The following NT5DC2 variants were observed in gnomAD, a reference collection of about 807,000 sequenced individuals.
NT5DC2 encodes 5'-nucleotidase domain-containing protein 2.
In NT5DC2, 41 loss-of-function variants were observed where a neutral mutation model predicts 70.0. The observed-to-expected ratio is 0.59, with a 90% CI of 0.46 to 0.76. The LOEUF (loss-of-function observed/expected upper bound fraction) is 0.76, where lower values mean the gene tolerates loss of function less well. Among genes scored for constraint, NT5DC2 ranks in the 30% least tolerant of loss-of-function variants. The pLI is 0.00. For synonymous variants in NT5DC2, 299 were observed against 310.4 expected, an observed-to-expected ratio of 0.96 and a Z score of 0.39; for missense variants, 705 against 783.2, an observed-to-expected ratio of 0.90 and a Z score of 1.19.
chr3:52,527,334 T>C lies in NT5DC2; in HGVS notation c.1079A>G (p.Asp360Gly), dbSNP rs1467541150. ...KLDEKGSLQW[D>G]RITRLEKGKI... ...GCCCTTTTCCAAGCGGGTGATCCGG[T>C]CCCACTGAAGTGAGCCCTTCTCATC... The change falls in exon 10 of 14, where the codon GAC (aspartate) becomes GGC (glycine). Residue 360 changes from aspartate to glycine, a missense_variant. Coordinates refer to ENST00000422318, the MANE Select transcript of NT5DC2 (RefSeq NM_001134231.2). 1.2e-6 allele frequency: 2 copies of C among 1,614,142 alleles called. No individual in the cohort carries two copies. Among genetic ancestry groups the C allele is most frequent in the East Asian group, 2.2e-5 (1 of 44,886 alleles).
At chr3:52,528,138 G>C in intron 6 of NT5DC2, 45 bp downstream of exon 6, 1 of 1,612,964 alleles carries the variant, frequency 6.2e-7, no homozygotes, top group East Asian at 2.2e-5. Context: ...ACTGTGGCTG[G>C]ACTTAGTCTT....
chr3:52,524,560 C>G lies in NT5DC2; in HGVS notation c.1584G>C (p.Pro528=), dbSNP rs374723543. The G allele has an allele frequency of 3.1e-6, 5 of 1,612,954 alleles. No homozygotes were observed. In the African/African-American group the frequency reaches 4.0e-5, roughly 13 times the overall value. Residue 528 remains proline (P), a synonymous_variant, in exon 14 of 14, where the codon CCG becomes CCC. Transcript: ENST00000422318. ...TCCAGAGGGGTGCCTCGTGCTGCAG[C>G]GGCGTACGGCGTGGGTAGAAGGTGA... is the stretch of plus-strand genomic sequence containing the variant. The part of the protein sequence containing the change: ...VDFTFYPRRT[P]LQHEAPLWMD...
intron 1 of NT5DC2, chr3:52,532,492 C>G: frequency 2.0e-6 from 2 of 985,416 alleles, no homozygotes; most frequent in South Asian, 4.7e-5. Context: ...AAGTGATTCT[C>G]CGCCACCCCA....
intron 1 of NT5DC2, chr3:52,532,474 T>C: frequency 6.1e-6 from 6 of 985,394 alleles, no homozygotes; most frequent in Non-Finnish European, 7.2e-6. Flanking sequence ...CTGCCTTTAC[T>C]GGTCAAGAAG....
rs1479675272 is a variant in NT5DC2 at position 52,533,834 on chromosome 3, T to A, written c.-97A>T. On this transcript the variant is annotated 5_prime_UTR_variant, in exon 1 of 14. Transcript: ENST00000422318. ...CTGCGCGCCCGCCACGGTGGCCTCG[T>A]GCTCCTCACGGCGGCCGGCCAATGG... is the stretch of plus-strand genomic sequence containing the variant. The A allele has an allele frequency of 8.2e-6, 8 of 979,820 alleles. No homozygotes were observed. The highest frequency in any genetic ancestry group is 7.2e-6 in the Non-Finnish European group (6 of 827,696). The allele number at this position is 979,820 out of a possible 1,614,324, so 60.7% of individuals were successfully genotyped here.
In NT5DC2 at chr3:52,529,448, A is replaced by G. The variant is rs2153239386; in HGVS notation, c.233-114T>C. The G allele has an allele frequency of 3.2e-6, 3 of 928,140 alleles. No individual in the cohort carries two copies. Among genetic ancestry groups the G allele is most frequent in the Non-Finnish European group, 4.9e-6 (3 of 606,514 alleles). 57.5% of individuals were successfully genotyped at this position (928,140 alleles called of 1,614,324 possible). The stretch of plus-strand genomic sequence containing the variant: ...CTGTGAGCCTCAGAAACGCCCCACA[A>G]TGGCACCTCTTATTCCAGTGCTGGA... On this transcript the variant is annotated intron_variant, in intron 1 of 13. Transcript: ENST00000422318. This position sits in a 1 kb window ranked among gnomAD's most constrained non-coding sequence, Gnocchi z 4.1.
chr3:52,527,443 C>T (rs1020097213), intron 9 of NT5DC2, 68 bp from the exon 10 acceptor site: 2 of 1,558,080 alleles, frequency 1.3e-6, no homozygotes, highest in African/African-American at 2.7e-5. Flanking sequence ...ACCCCCATCC[C>T]TCCTCCGTAA....
intron 1 of NT5DC2, among the ~76,000 whole-genome samples, chr3:52,532,807 G>A (rs1046903150): frequency 2.0e-5 from 3 of 152,128 alleles, no homozygotes; most frequent in African/African-American, 7.2e-5. Flanking sequence ...AGACAAGCAG[G>A]CAGATGTCCA....
In NT5DC2 at chr3:52,531,084, T is replaced by C. The variant is rs6778735; in HGVS notation, c.233-1750A>G. Among the ~76,000 whole-genome samples, 82,060 of 152,162 alleles carry C rather than the reference T, an allele frequency of 0.54. 22,463 individuals carry two copies. The highest frequency in any genetic ancestry group is 0.62 in the Admixed American group (9,437 of 15,300). ...AGCTGCTGCACTCAAGAGGCAGACA[T>C]CTCGCTGATGTGCTCCGTGCCCAGA... is the stretch of plus-strand genomic sequence containing the variant. On this transcript the variant is annotated intron_variant, in intron 1 of 13. Transcript: ENST00000422318. The surrounding 1 kb of genome is among the most constrained non-coding windows in gnomAD (Gnocchi z 4.1).
chr3:52,533,464 G>A (rs1666145184), intron 1 of NT5DC2, 42 bp downstream of exon 1: 1 of 1,481,318 alleles, frequency 6.8e-7, no homozygotes, highest in Non-Finnish European at 9.0e-7. Flanking sequence ...ATCAGTCCAC[G>A]CGGAAGACAC....
In NT5DC2 at chr3:52,528,520, C is replaced by G; in HGVS notation, c.568G>C (p.Asp190His). Residue 190 changes from aspartate to histidine, a missense_variant, in exon 5 of 14, where the codon GAC (aspartate) becomes CAC (histidine). Coordinates refer to ENST00000422318, the MANE Select transcript of NT5DC2 (RefSeq NM_001134231.2). ...CCATACAGCTCAATCACCTCCTCGT[C>G]TGGCACAGGCTGGAGGCCCCTGAGC... is the stretch of plus-strand genomic sequence containing the variant. Reference protein sequence around the residue: ...TAYRGLQPVPDEEVIELYGGT... With the variant: ...TAYRGLQPVPHEEVIELYGGT... The G allele has an allele frequency of 6.2e-7, 1 of 1,608,122 alleles. No homozygotes were observed.
intron 1 of NT5DC2, among the ~76,000 whole-genome samples, chr3:52,533,138 C>T (rs2079382967): frequency 6.6e-6 from 1 of 152,204 alleles, no homozygotes; most frequent in South Asian, 2.1e-4. Context: ...ACAGCACTCT[C>T]CCGCCCCAAC....
intron 3 of NT5DC2, 72 bp from the exon 4 acceptor site, chr3:52,528,764 A>G (rs2153238069): frequency 6.2e-7 from 1 of 1,604,582 alleles, no homozygotes; most frequent in East Asian, 2.2e-5. Context: ...AGCCTCTTTC[A>G]GCCCATGCCA....
chr3:52,532,097 G>A (rs1027631154), intron 1 of NT5DC2: 26 of 785,524 alleles, frequency 3.3e-5, no homozygotes, highest in African/African-American at 1.5e-4. Flanking sequence ...CTCTCAGCCC[G>A]TGGGCATTAG....
chr3:52,534,313 G>C (rs1419115731), upstream of NT5DC2: 3 of 687,510 alleles, frequency 4.4e-6, no homozygotes, highest in Non-Finnish European at 7.5e-6. Flanking sequence ...GGCTCGGACT[G>C]ACTGCCCACT....
chr3:52,532,531 C>T (rs886542337), intron 1 of NT5DC2: 2 of 982,526 alleles, frequency 2.0e-6, no homozygotes, highest in African/African-American at 1.8e-5. Flanking sequence ...CCCTGTCTAG[C>T]CAGTTAGAAT....
upstream of NT5DC2, chr3:52,534,517 A>G (rs1479229996): frequency 1.9e-6 from 3 of 1,612,836 alleles, no homozygotes; most frequent in Non-Finnish European, 2.5e-6. Context: ...GGACCTCGGC[A>G]ACTGGCCGCA....
chr3:52,529,325 G>A lies in NT5DC2; in HGVS notation c.242C>T (p.Pro81Leu). The A allele has an allele frequency of 6.2e-7, 1 of 1,613,572 alleles. No homozygotes were observed. Among genetic ancestry groups the A allele is most frequent in the Non-Finnish European group, 8.5e-7 (1 of 1,179,896 alleles). The stretch of plus-strand genomic sequence containing the variant: ...GTTCAGGAGACTGCAGACCTCGGGG[G>A]GCAGGAGGTCTAGAGGAAGGAGATG... Reference protein sequence around the residue: ...DMRRLVHDLLPPEVCSLLNPA... With the variant: ...DMRRLVHDLLLPEVCSLLNPA... Residue 81 changes from proline to leucine, a missense_variant, in exon 2 of 14, where the codon CCC becomes CTC. Physicochemically the swap from Pro to Leu is moderately conservative, Grantham distance 98. Transcript: ENST00000422318. The surrounding 1 kb of genome is among the most constrained non-coding windows in gnomAD (Gnocchi z 4.1).
chr3:52,534,688 G>C, upstream of NT5DC2: 1 of 1,578,942 alleles, frequency 6.3e-7, no homozygotes, highest in Non-Finnish European at 8.6e-7. Flanking sequence ...GAGCCCGCAC[G>C]CATACCAGGC....
Sources: allele counts gnomAD v4.1 joint callset (sites outside exome capture counted in the v4.1 genomes callset), GRCh38; gene constraint gnomAD v4.1.1; non-coding constraint Gnocchi (gnomAD v3.1); transcripts MANE v1.5; gene names NCBI Gene and HGNC (gene_info 2026-07-23, HGNC 2026-07-21).